AATK: variants seen among roughly 807,000 people sequenced by gnomAD.
The protein encoded by AATK is serine/threonine-protein kinase LMTK1.
In AATK, 91 loss-of-function variants were observed where a neutral mutation model predicts 114.3. The observed-to-expected ratio is 0.80, with a 90% confidence interval of 0.67 to 0.95. AATK has a LOEUF of 0.95. AATK is among the 40% of genes least tolerant of loss of function. The pLI is 0.00. For synonymous variants in AATK, 1,075 were observed against 916.5 expected (o/e 1.17, Z -3.12); for missense variants, 2,176 against 1,965.2 (o/e 1.11, Z -2.03).
intron 1 of AATK, among the ~76,000 whole-genome samples, chr17:81,144,568 G>A (rs886701350): frequency 6.6e-6 from 1 of 152,246 alleles, no homozygotes. Context: ...GCTCCCTTGA[G>A]AGCCGCCCAC....
chr17:81,119,256 AGGAGCGGAGC>A lies in AATK; in HGVS notation c.4084+114_4084+123del, dbSNP rs10655340. The A allele has an allele frequency of 3.2e-5, 30 of 948,428 alleles. 1 individual carries two copies. The highest frequency in any genetic ancestry group is 3.9e-5 in the South Asian group (2 of 51,684). The allele number at this position is 948,428 out of a possible 1,614,324, so 58.8% of individuals were successfully genotyped here. A position where few individuals can be genotyped will look rare whatever the true frequency, so the allele number is the denominator to read the frequency against. ...GGGCCGGGAAGGAGCGGGGCCGGGA[AGGAGCGGAGC>A]GGAGCGGAGCCGGGGCTGGCCCGGC... On this transcript the variant is annotated intron_variant, in intron 13 of 13. Transcript: ENST00000326724.
intron 3 of AATK, 138 bp from the exon 4 acceptor site, chr17:81,128,687 G>C: frequency 6.8e-7 from 1 of 1,472,888 alleles, no homozygotes; most frequent in Non-Finnish European, 9.0e-7. Context: ...TGGCAACCTT[G>C]GGGCCACCAT....
chr17:81,130,940 A>G, intron 3 of AATK, 121 bp downstream of exon 3: 2 of 1,258,522 alleles, frequency 1.6e-6, no homozygotes, highest in Non-Finnish European at 2.2e-6. Context: ...CCCACAGGCC[A>G]CTCCCAGCCC....
chr17:81,126,322 G>A lies in AATK; in HGVS notation c.755+105C>T. The A allele has an allele frequency of 7.3e-7, 1 of 1,374,616 alleles. No homozygotes were observed. Among genetic ancestry groups the A allele is most frequent in the Non-Finnish European group, 9.7e-7 (1 of 1,030,044 alleles). The allele number at this position is 1,374,616 out of a possible 1,614,324, so 85.2% of individuals were successfully genotyped here. A position where few individuals can be genotyped will look rare whatever the true frequency, so the allele number is the denominator to read the frequency against. On this transcript the variant is annotated intron_variant, in intron 7 of 13. Transcript: ENST00000326724. This position sits in a 1 kb window ranked among gnomAD's most constrained non-coding sequence, Gnocchi z 5.1. Reference sequence around the variant, plus strand: ...TCTGATGCTGCATGAGATGAACCTGGCCGGTCCTCGCAAGCCCCCTGAGGC... The same window carrying A: ...TCTGATGCTGCATGAGATGAACCTGACCGGTCCTCGCAAGCCCCCTGAGGC...
At position 81,146,049 on chromosome 17, in the gene AATK, C is replaced by T. The variant is rs765595691; in HGVS notation, c.56-11548G>A. On this transcript the variant is annotated intron_variant, in intron 1 of 13. Coordinates refer to ENST00000326724, the MANE Select transcript of AATK (RefSeq NM_001080395.3). ...CAAAAAAATACAAAAATTGGCCGGG[C>T]GTGGTGGCGGACACCTGTAATCCCA... Among the ~76,000 whole-genome samples the T allele has an allele frequency of 1.0e-3, 153 of 151,720 alleles. 2 individuals carry two copies. Among genetic ancestry groups the T allele is most frequent in the Non-Finnish European group, 2.7e-4 (18 of 67,900 alleles).
Position 81,128,554 on chromosome 17 carries a change from A to G in AATK, c.335-5T>C. The G allele has an allele frequency of 5.2e-6, 8 of 1,548,834 alleles. No individual in the cohort carries two copies. The highest frequency in any genetic ancestry group is 7.0e-6 in the Non-Finnish European group (8 of 1,146,710). On this transcript the variant is annotated splice_region_variant and splice_polypyrimidine_tract_variant and intron_variant, in intron 3 of 13. Transcript: ENST00000326724. ...CTGTGGACTTGAGGAGCTGCACTGT[A>G]ACCAAGCAGGGGGTTCAGGGACCCA...
At chr17:81,146,196 A>G (rs1389023264) in intron 1 of AATK, among the ~76,000 whole-genome samples, 2 of 151,058 alleles carry the variant, frequency 1.3e-5, no homozygotes, top group Admixed American at 6.6e-5. Context: ...ATTAAAAAAA[A>G]AAAAAAAAGA....
At chr17:81,127,392 CCA>C (rs915212734) in intron 6 of AATK, among the ~76,000 whole-genome samples, 189 bp downstream of exon 6, 1 of 152,086 alleles carries the variant, frequency 6.6e-6, no homozygotes, top group African/African-American at 2.4e-5. Context: ...TGCCCAGCCC[CCA>C]CAGTCCCTCC....
intron 1 of AATK, among the ~76,000 whole-genome samples, chr17:81,141,487 T>C (rs75750262): frequency 0.013 from 2,027 of 152,332 alleles, 52 homozygotes; most frequent in African/African-American, 0.047. Context: ...AATTTCTGAC[T>C]TCCAGAACCT....
In AATK at chr17:81,121,988, T is replaced by A; in HGVS notation, c.1948A>T (p.Ser650Cys). ...AGCGGCAGCGGGGGCGCCCCTGAGC[T>A]CCCCAAAGGGGACGTGCCCAGTGGG... ...EDPLGTSPLG[S>C]SGAPPLPLTG... The change falls in exon 11 of 14, where the codon AGC (serine) becomes TGC (cysteine). Residue 650 changes from serine to cysteine, a missense_variant. Transcript: ENST00000326724. The A allele has an allele frequency of 6.2e-7, 1 of 1,601,094 alleles. No individual in the cohort carries two copies. Among genetic ancestry groups the A allele is most frequent in the African/African-American group, 1.3e-5 (1 of 74,964 alleles).
Position 81,137,827 on chromosome 17 carries a change from G to GCA in AATK, c.56-3328_56-3327dup, listed in dbSNP as rs554165219. Among the ~76,000 whole-genome samples, 258 of 151,998 alleles carry GCA rather than the reference G, an allele frequency of 1.7e-3. 3 individuals are homozygous for GCA. Among genetic ancestry groups the GCA allele is most frequent in the African/African-American group, 5.9e-3 (243 of 41,390 alleles). On this transcript the variant is annotated intron_variant, in intron 1 of 13. Transcript: ENST00000326724. ...GACATGAACGTTCATGCACAGACATGCACACACACATATGCATGTGTATAT... is the reference window on the plus strand; with the variant it reads ...GACATGAACGTTCATGCACAGACATGCACACACACACATATGCATGTGTATAT...
At chr17:81,138,558 ACACATACCCCCACACG>A (rs1035479367) in intron 1 of AATK, among the ~76,000 whole-genome samples, 8 of 146,092 alleles carry the variant, frequency 5.5e-5, no homozygotes, top group African/African-American at 1.0e-4. Context: ...ACACACGTGC[ACACATACCCCCACACG>A]CACATACCCA....
Position 81,119,486 on chromosome 17 carries a change from C to T in AATK, c.3978G>A (p.Ala1326=), listed in dbSNP as rs745421453. The part of the protein sequence containing the change: ...ALDPAAPAPA[A]PTPTPAPFSR... The stretch of plus-strand genomic sequence containing the variant: ...AGAAGGGAGCGGGCGTGGGCGTGGG[C>T]GCAGCCGGGGCGGGTGCGGCCGGGT... The change falls in exon 13 of 14, where the codon GCG becomes GCA. Residue 1326 remains alanine (A), a synonymous_variant. Transcript: ENST00000326724. 12 of 1,516,308 alleles carry T rather than the reference C, an allele frequency of 7.9e-6. No individual in the cohort carries two copies. Among genetic ancestry groups the T allele is most frequent in the South Asian group, 1.3e-5 (1 of 78,348 alleles). The allele number at this position is 1,516,308 out of a possible 1,614,324, so 93.9% of individuals were successfully genotyped here.
Position 81,118,315 on chromosome 17 carries a change from G to A in AATK, c.*87C>T. On this transcript the variant is annotated 3_prime_UTR_variant, in exon 14 of 14. Coordinates refer to ENST00000326724, the MANE Select transcript of AATK (RefSeq NM_001080395.3). ...TGCTGCCAACAGCCACCAGGACGTG[G>A]TCCCCACCTTCTCGGTCACCATCCT... 7.1e-7 allele frequency: 1 copy of A among 1,415,792 alleles called. No homozygotes were observed. Among genetic ancestry groups the A allele is most frequent in the Non-Finnish European group, 9.7e-7 (1 of 1,032,280 alleles). The allele number at this position is 1,415,792 out of a possible 1,614,324, so 87.7% of individuals were successfully genotyped here.
rs1344157189 is a variant in AATK, at chr17:81,119,503, C to T, written c.3961G>A (p.Ala1321Thr). 4 of 1,522,220 alleles carry T rather than the reference C, an allele frequency of 2.6e-6. No individual in the cohort carries two copies. Among genetic ancestry groups the T allele is most frequent in the Non-Finnish European group, 2.6e-6 (3 of 1,137,692 alleles). The allele number at this position is 1,522,220 out of a possible 1,614,324, so 94.3% of individuals were successfully genotyped here. A position where few individuals can be genotyped will look rare whatever the true frequency, so the allele number is the denominator to read the frequency against. ...GGCGTGGGCGCAGCCGGGGCGGGTG[C>T]GGCCGGGTCTAGGGCCATGGCGAAG... ...AAFAMALDPA[A>T]PAPAAPTPTP... Residue 1321 changes from alanine to threonine, a missense_variant, in exon 13 of 14, where the codon GCA (alanine) becomes ACA (threonine). Physicochemically the swap from Ala to Thr is moderately conservative, Grantham distance 58. This residue lies in a region of AATK where 1,701 missense variants were observed against 1,394.7 expected (regional missense o/e 1.22). Transcript: ENST00000326724.
intron 3 of AATK, 56 bp from the exon 4 acceptor site, chr17:81,128,605 C>T (rs2060884029): frequency 1.3e-6 from 2 of 1,544,216 alleles, no homozygotes; most frequent in East Asian, 4.9e-5. Flanking sequence ...CCCCCAGCTT[C>T]CTCACCCGGC....
intron 13 of AATK, 109 bp downstream of exon 13, chr17:81,119,271 C>CGGGGCCGGGAA: frequency 9.1e-7 from 1 of 1,103,476 alleles, no homozygotes; most frequent in Admixed American, 3.9e-5. Flanking sequence ...CGGAGCGGAG[C>CGGGGCCGGGAA]GGAGCCGGGG....
chr17:81,122,387 G>T lies in AATK; in HGVS notation c.1549C>A (p.Pro517Thr), dbSNP rs1165641835. ...GACGGGCTGTGCGCGCTGAGCACCG[G>T]AACCACGCCCGGGGGCGCGCCGTCG... is the stretch of plus-strand genomic sequence containing the variant. ...APDGAPPGVV[P>T]VLSAHSPSLG... The change falls in exon 11 of 14, where the codon CCG (proline) becomes ACG (threonine). Residue 517 changes from proline to threonine, a missense_variant. Transcript: ENST00000326724. 1 of 1,487,418 alleles carries T rather than the reference G, an allele frequency of 6.7e-7. No individual in the cohort carries two copies. The highest frequency in any genetic ancestry group is 1.2e-5 in the South Asian group (1 of 80,320). 92.1% of individuals were successfully genotyped at this position (1,487,418 alleles called of 1,614,324 possible).
Position 81,122,463 on chromosome 17 carries a change from C to T in AATK, c.1473G>A (p.Pro491=), listed in dbSNP as rs1345984079. 4.8e-6 allele frequency: 7 copies of T among 1,451,168 alleles called. No individual in the cohort carries two copies. Among genetic ancestry groups the T allele is most frequent in the Non-Finnish European group, 5.5e-6 (6 of 1,098,934 alleles). The allele number at this position is 1,451,168 out of a possible 1,614,324, so 89.9% of individuals were successfully genotyped here. Residue 491 remains proline, a synonymous_variant, in exon 11 of 14, where the codon CCG becomes CCA. Coordinates refer to ENST00000326724, the MANE Select transcript of AATK (RefSeq NM_001080395.3). ...WEAGRGAEAF[P]ATLSPGRTAR... The stretch of plus-strand genomic sequence containing the variant: ...CGGTGCGGCCAGGGCTCAGCGTGGC[C>T]GGGAAGGCCTCCGCGCCGCGGCCCG...
Sources: gnomAD v4.1 joint callset for allele counts (sites outside exome capture counted in the v4.1 genomes callset) on GRCh38, gnomAD v4.1.1 for gene constraint, gnomAD v4.1.1 regional missense constraint, Gnocchi (gnomAD v3.1) non-coding constraint, MANE v1.5 for transcripts, NCBI Gene and HGNC (gene_info 2026-07-23, HGNC 2026-07-21) for gene names.